Variants in NBEA observed in about 807,000 individuals in gnomAD.
The protein encoded by NBEA is lysosomal-trafficking regulator 2.
Under a neutral mutation model 343.4 loss-of-function variants are expected in NBEA, and 44 were observed. The ratio of observed to expected loss-of-function variants is 0.13; its 90% CI spans 0.10 to 0.16. The LOEUF (loss-of-function observed/expected upper bound fraction) is 0.16. Among genes scored for constraint, NBEA ranks in the 10% least tolerant of loss-of-function variants. The pLI is 1.00. For synonymous variants in NBEA, 1,175 were observed against 1,238.7 expected (o/e 0.95, Z 1.08); for missense variants, 2,555 against 3,631.3 (o/e 0.70, Z 7.62).
intron 56 of NBEA, 91 bp from the exon 57 acceptor site, chr13:35,667,283 C>A: frequency 9.6e-7 from 1 of 1,038,178 alleles, no homozygotes; most frequent in Non-Finnish European, 1.5e-6. Flanking sequence ...CACATCTGAG[C>A]GCACACCCAG....
chr13:35,111,074 C>G (rs2066178768), intron 13 of NBEA, 96 bp downstream of exon 13: 2 of 1,029,888 alleles, frequency 1.9e-6, no homozygotes, highest in Admixed American at 3.4e-5. Flanking sequence ...TATGAAATCA[C>G]TGAAATGTTT....
At chr13:35,194,796 A>G (rs974485808) in intron 30 of NBEA, among the ~76,000 whole-genome samples, 1 of 152,068 alleles carries the variant, frequency 6.6e-6, no homozygotes, top group African/African-American at 2.4e-5. Context: ...GAAATTTAAC[A>G]TTTTAAAGAT....
chr13:35,250,602 A>G (rs914446730), intron 34 of NBEA, among the ~76,000 whole-genome samples: 4 of 152,216 alleles, frequency 2.6e-5, no homozygotes, highest in Non-Finnish European at 5.9e-5. Flanking sequence ...ATAATTTTGC[A>G]TTATCATGTA....
intron 38 of NBEA, among the ~76,000 whole-genome samples, chr13:35,384,997 C>T (rs1005889378): frequency 1.3e-4 from 20 of 152,222 alleles, no homozygotes; most frequent in African/African-American, 4.6e-4. Context: ...CTTTCTCTTT[C>T]GAAAGTATAC....
intron 28 of NBEA, among the ~76,000 whole-genome samples, chr13:35,179,556 A>T (rs1427205206): frequency 1.4e-5 from 2 of 145,944 alleles, no homozygotes; most frequent in East Asian, 2.0e-4. Context: ...AATAAAAAAT[A>T]AAAAAAAAAG....
chr13:35,664,057 A>G (rs1023337243), intron 55 of NBEA, among the ~76,000 whole-genome samples: 6 of 152,166 alleles, frequency 3.9e-5, no homozygotes, highest in African/African-American at 1.4e-4. Context: ...TTACTGGGTA[A>G]GGCCTTGTGA....
chr13:35,115,716 C>A (rs1260745732), intron 13 of NBEA, among the ~76,000 whole-genome samples: 1 of 152,152 alleles, frequency 6.6e-6, no homozygotes, highest in East Asian at 1.9e-4. Context: ...TTCTTTGCAA[C>A]ATGCTGTTTA....
intron 41 of NBEA, among the ~76,000 whole-genome samples, chr13:35,486,936 G>A (rs188096514): frequency 1.3e-4 from 20 of 151,626 alleles, no homozygotes; most frequent in African/African-American, 4.8e-4. Context: ...AAGATTAATG[G>A]GATATACCTT....
At chr13:34,944,230 A>C (rs1039619591) in intron 1 of NBEA, among the ~76,000 whole-genome samples, 2 of 152,214 alleles carry the variant, frequency 1.3e-5, no homozygotes, top group African/African-American at 4.8e-5. Context: ...CAGGAATATA[A>C]CAATATGCTT....
chr13:35,372,056 T>C (rs1196537257), intron 38 of NBEA, among the ~76,000 whole-genome samples: 1 of 152,146 alleles, frequency 6.6e-6, no homozygotes, highest in Non-Finnish European at 1.5e-5. Flanking sequence ...CTAGTACCAG[T>C]TGTAGCAAGT....
chr13:35,300,251 G>A (rs1209380885), intron 35 of NBEA, among the ~76,000 whole-genome samples: 2 of 152,144 alleles, frequency 1.3e-5, no homozygotes, highest in Non-Finnish European at 2.9e-5. Context: ...TTGAACCCGG[G>A]ATGTGGAGGT....
chr13:34,987,318 G>A (rs1950398989), intron 1 of NBEA, among the ~76,000 whole-genome samples: 1 of 150,994 alleles, frequency 6.6e-6, no homozygotes, highest in Admixed American at 6.6e-5. Flanking sequence ...ATTGAATATT[G>A]GTCTCCAGTC....
chr13:35,281,881 A>G (rs2035074272), intron 34 of NBEA, among the ~76,000 whole-genome samples: 1 of 152,020 alleles, frequency 6.6e-6, no homozygotes, highest in Non-Finnish European at 1.5e-5. Flanking sequence ...TATGCTTAAA[A>G]GGATTTATAT....
chr13:35,275,641 CTT>C, intron 34 of NBEA, among the ~76,000 whole-genome samples: 1 of 152,278 alleles, frequency 6.6e-6, no homozygotes, highest in East Asian at 1.9e-4. Context: ...CTACAAAGAA[CTT>C]AAACAAATTT....
intron 40 of NBEA, among the ~76,000 whole-genome samples, chr13:35,466,587 C>T (rs920190028): frequency 2.0e-5 from 3 of 152,168 alleles, no homozygotes; most frequent in African/African-American, 7.2e-5. Context: ...CCCACCTCAG[C>T]TTCCTAGGTA....
At chr13:35,069,653 C>G (rs1337870602) in intron 8 of NBEA, among the ~76,000 whole-genome samples, 1 of 151,966 alleles carries the variant, frequency 6.6e-6, no homozygotes, top group Non-Finnish European at 1.5e-5. Flanking sequence ...GATATTTTTT[C>G]TAATGAAATG....
At chr13:35,231,254 A>G (rs1330929489) in intron 33 of NBEA, among the ~76,000 whole-genome samples, 2 of 152,112 alleles carry the variant, frequency 1.3e-5, no homozygotes, top group East Asian at 3.9e-4. Context: ...GCTGTTTCCA[A>G]TTTAGGAAAG....
chr13:35,119,026 G>C (rs578034188), intron 16 of NBEA, among the ~76,000 whole-genome samples: 1 of 152,178 alleles, frequency 6.6e-6, no homozygotes, highest in East Asian at 1.9e-4. Flanking sequence ...TTATTCATCA[G>C]TATTAAAGAT....
At chr13:35,642,391 GAA>G (rs2084005527) in intron 49 of NBEA, among the ~76,000 whole-genome samples, 1 of 152,130 alleles carries the variant, frequency 6.6e-6, no homozygotes, top group South Asian at 2.1e-4. Flanking sequence ...TAGATTTAAT[GAA>G]GTTGGATTGA....
Sources: gnomAD v4.1 joint callset for allele counts (sites outside exome capture counted in the v4.1 genomes callset) on GRCh38, gnomAD v4.1.1 for gene constraint, MANE v1.5 for transcripts, NCBI Gene and HGNC (gene_info 2026-07-23, HGNC 2026-07-21) for gene names.